Variants in TMEM117 observed in about 807,000 individuals in gnomAD.
TMEM117 encodes the protein transmembrane protein 117.
A neutral mutation model predicts 52.4 loss-of-function variants in TMEM117; 27 were observed. That is an observed-to-expected ratio of 0.51 (90% CI 0.38 to 0.71). The LOEUF is 0.71. Among genes scored for constraint, TMEM117 ranks in the 30% least tolerant of loss-of-function variants. The pLI, the probability that TMEM117 is intolerant of heterozygous loss-of-function variation, is 0.00. For missense variants in TMEM117, 556 were observed against 630.5 expected, an observed-to-expected ratio of 0.88 and a Z score of 1.26; for synonymous variants, 215 against 206.3, an observed-to-expected ratio of 1.04 and a Z score of -0.36.
intron 4 of TMEM117, among the ~76,000 whole-genome samples, chr12:44,174,715 T>C (rs1185781235): frequency 6.6e-6 from 1 of 152,208 alleles, no homozygotes; most frequent in Non-Finnish European, 1.5e-5. Flanking sequence ...TTAGGGAGTT[T>C]ACAATTTGGC....
intron 3 of TMEM117, among the ~76,000 whole-genome samples, chr12:43,984,527 T>C (rs1255004347): frequency 2.0e-5 from 3 of 152,212 alleles, no homozygotes; most frequent in Non-Finnish European, 4.4e-5. Context: ...GTTAATCTCC[T>C]TTTATCAGTA....
intron 6 of TMEM117, among the ~76,000 whole-genome samples, chr12:44,360,327 C>G (rs968725510): frequency 6.6e-6 from 1 of 151,958 alleles, no homozygotes; most frequent in Non-Finnish European, 1.5e-5. Flanking sequence ...TGCCTGTAAT[C>G]CCAGAACTTT....
chr12:44,310,514 T>G (rs1305183394), intron 6 of TMEM117, among the ~76,000 whole-genome samples: 1 of 152,218 alleles, frequency 6.6e-6, no homozygotes. Context: ...GGCATATGCC[T>G]ATAATTCCAG....
chr12:43,820,420 C>CG, the TMEM117 span, among the ~76,000 whole-genome samples: 1 of 152,030 alleles, frequency 6.6e-6, no homozygotes, highest in African/African-American at 2.4e-5. Flanking sequence ...ACTACAGACG[C>CG]CGGCCACCAC....
intron 2 of TMEM117, among the ~76,000 whole-genome samples, chr12:43,940,701 C>G (rs901008895): frequency 2.0e-5 from 3 of 152,080 alleles, no homozygotes; most frequent in African/African-American, 7.2e-5. Flanking sequence ...ACCACCACGC[C>G]TGGCTAATAT....
chr12:44,390,291 C>T (rs1592737403), downstream of TMEM117, among the ~76,000 whole-genome samples: 1 of 151,760 alleles, frequency 6.6e-6, no homozygotes, highest in Admixed American at 6.6e-5. Context: ...AAGGAACTTA[C>T]CATGTATGTC....
chr12:43,859,901 A>G (rs1028275467), intron 2 of TMEM117, among the ~76,000 whole-genome samples: 3 of 152,208 alleles, frequency 2.0e-5, no homozygotes, highest in Non-Finnish European at 4.4e-5. Flanking sequence ...TTATTCTCCA[A>G]GTTTGCTGAA....
Position 44,171,593 on chromosome 12 carries a change from A to G in TMEM117, c.510+27969A>G, listed in dbSNP as rs145280146. ...ATACATTGAGCCAAATGTATTCCTG[A>G]AAGATTTCTCCCAAGTTATGCTTCT... On this transcript the variant is annotated intron_variant, in intron 4 of 7. Transcript: ENST00000266534. 2.2e-4 allele frequency among the ~76,000 whole-genome samples: 34 copies of G among 152,274 alleles called. No individual in the cohort carries two copies. In the East Asian group the frequency reaches 6.6e-3, roughly 29 times the overall value.
At chr12:44,318,516 CAGGGTG>C (rs1565709928) in intron 6 of TMEM117, 16 of 151,982 alleles carry the variant, frequency 1.1e-4, no homozygotes, top group African/African-American at 3.9e-4. Context: ...ATCCAGGCAA[CAGGGTG>C]CTCCATCTGC....
chr12:44,218,819 C>A (rs1009263886), intron 5 of TMEM117, among the ~76,000 whole-genome samples: 2 of 152,084 alleles, frequency 1.3e-5, no homozygotes, highest in Non-Finnish European at 2.9e-5. Context: ...TGGTACTGGG[C>A]TTTTCACATT....
At chr12:44,386,404 G>GT (rs768159116) in intron 7 of TMEM117, among the ~76,000 whole-genome samples, 2 of 152,056 alleles carry the variant, frequency 1.3e-5, no homozygotes, top group Non-Finnish European at 2.9e-5. Context: ...TTACTTTCCA[G>GT]TTGGGTATGC....
chr12:44,026,961 G>A (rs1017565980), intron 3 of TMEM117, among the ~76,000 whole-genome samples: 11 of 151,636 alleles, frequency 7.3e-5, no homozygotes, highest in East Asian at 3.9e-4. Context: ...TAGACATTTC[G>A]ATAACTCTTT....
chr12:43,954,146 G>A (rs1460857042), intron 3 of TMEM117, among the ~76,000 whole-genome samples: 1 of 152,106 alleles, frequency 6.6e-6, no homozygotes, highest in Non-Finnish European at 1.5e-5. Context: ...CTGGGATGCA[G>A]CTAAAGCAGT....
chr12:43,864,143 A>T (rs1352298348), intron 2 of TMEM117, among the ~76,000 whole-genome samples: 1 of 152,164 alleles, frequency 6.6e-6, no homozygotes, highest in Non-Finnish European at 1.5e-5. Flanking sequence ...GGCAGGGCTC[A>T]GGACCTGCAG....
At chr12:44,059,706 A>G (rs569860303) in intron 3 of TMEM117, among the ~76,000 whole-genome samples, 1 of 152,254 alleles carries the variant, frequency 6.6e-6, no homozygotes, top group Non-Finnish European at 1.5e-5. Flanking sequence ...TGCAGGTCCC[A>G]TATGAGAATG....
the TMEM117 span, among the ~76,000 whole-genome samples, chr12:43,806,690 T>G: frequency 6.6e-6 from 1 of 152,190 alleles, no homozygotes; most frequent in African/African-American, 2.4e-5. Context: ...GCACATTATT[T>G]TTCTTGGTTT....
At chr12:44,342,228 G>A (rs941359931) in intron 6 of TMEM117, among the ~76,000 whole-genome samples, 1 of 152,104 alleles carries the variant, frequency 6.6e-6, no homozygotes, top group East Asian at 1.9e-4. Flanking sequence ...TTACCTTTTC[G>A]ATTTAGCTTT....
the TMEM117 span, among the ~76,000 whole-genome samples, chr12:43,828,124 T>G: frequency 6.6e-6 from 1 of 152,110 alleles, no homozygotes; most frequent in East Asian, 1.9e-4. Context: ...AACCACCAAG[T>G]TTGTGGTAAT....
intron 2 of TMEM117, among the ~76,000 whole-genome samples, chr12:43,858,761 A>G (rs1005741925): frequency 6.6e-6 from 1 of 152,192 alleles, no homozygotes; most frequent in African/African-American, 2.4e-5. Context: ...GCTCTTCAGT[A>G]TCTCAGGGAA....
Sources: gnomAD v4.1 joint callset for allele counts (sites outside exome capture counted in the v4.1 genomes callset) on GRCh38, gnomAD v4.1.1 for gene constraint, MANE v1.5 for transcripts, NCBI Gene and HGNC (gene_info 2026-07-23, HGNC 2026-07-21) for gene names.